IMMP2L: variants seen among roughly 807,000 people sequenced by gnomAD.
IMMP2L encodes mitochondrial inner membrane protease subunit 2.
Under a neutral mutation model 19.3 loss-of-function variants are expected in IMMP2L, and 18 were observed. That is an observed-to-expected ratio of 0.93 (90% CI 0.64 to 1.38). The LOEUF is 1.38. IMMP2L is among the 40% of genes most tolerant of loss of function. IMMP2L has a pLI of 0.00. For missense variants in IMMP2L, 233 were observed against 218.2 expected, an observed-to-expected ratio of 1.07 and a Z score of -0.43; for synonymous variants, 76 against 73.0, an observed-to-expected ratio of 1.04 and a Z score of -0.21.
At chr7:111,302,666 C>T (rs1274772126) in intron 3 of IMMP2L, among the ~76,000 whole-genome samples, 3 of 151,918 alleles carry the variant, frequency 2.0e-5, no homozygotes, top group Admixed American at 2.0e-4. Context: ...TTAGTCATCA[C>T]ACAAAAAAAG....
chr7:111,346,973 A>T (rs1161104983), intron 3 of IMMP2L, among the ~76,000 whole-genome samples: 2 of 152,114 alleles, frequency 1.3e-5, no homozygotes, highest in African/African-American at 2.4e-5. Flanking sequence ...AATAGATGGC[A>T]GAGGGTTTAA....
At chr7:110,979,148 C>A (rs1820993296) in intron 3 of IMMP2L, among the ~76,000 whole-genome samples, 2 of 152,050 alleles carry the variant, frequency 1.3e-5, no homozygotes. Context: ...TTACATATAA[C>A]TTTTCTGGAG....
In IMMP2L at chr7:111,371,467, T is replaced by TG. The variant is rs1319239746; in HGVS notation, c.239+115770dup. Among the ~76,000 whole-genome samples the TG allele has an allele frequency of 2.0e-5, 3 of 152,106 alleles. No homozygotes were observed. The East Asian group carries it at 5.8e-4, about 29-fold the overall frequency. Reference sequence around the variant, plus strand: ...TGTGCTTTTGACTGCCTTTGGATAATGGGGTCACAAGATTTTTAAAAAACA... The same window carrying TG: ...TGTGCTTTTGACTGCCTTTGGATAATGGGGGTCACAAGATTTTTAAAAAACA... On this transcript the variant is annotated intron_variant, in intron 3 of 5. Transcript: ENST00000405709.
chr7:111,379,705 C>T (rs1831016344), intron 3 of IMMP2L, among the ~76,000 whole-genome samples: 1 of 151,796 alleles, frequency 6.6e-6, no homozygotes, highest in Non-Finnish European at 1.5e-5. Flanking sequence ...TAAAATGCCA[C>T]ATATTATCAA....
chr7:111,035,516 A>G (rs1791250515), intron 3 of IMMP2L, among the ~76,000 whole-genome samples: 1 of 152,188 alleles, frequency 6.6e-6, no homozygotes, highest in South Asian at 2.1e-4. Context: ...ATATGTGATC[A>G]ACTACAAGTG....
In IMMP2L at chr7:111,393,795, C is replaced by T. The variant is rs977689768; in HGVS notation, c.239+93443G>A. On this transcript the variant is annotated intron_variant, in intron 3 of 5. Transcript: ENST00000405709. ...CCTATACTTACATTAAAAGCTACTC[C>T]TACTTGAAGATATGCAGACCCCTCC... Among the ~76,000 whole-genome samples the T allele has an allele frequency of 1.9e-4, 29 of 152,140 alleles. 1 individual carries two copies. The highest frequency in any genetic ancestry group is 1.8e-3 in the Admixed American group (27 of 15,266).
At chr7:111,463,156 T>C (rs1744172483) in intron 3 of IMMP2L, among the ~76,000 whole-genome samples, 1 of 152,002 alleles carries the variant, frequency 6.6e-6, no homozygotes, top group Non-Finnish European at 1.5e-5. Flanking sequence ...CTTCTGCCTA[T>C]ATCTCTTCAC....
chr7:111,303,276 A>G (rs1350288059), intron 3 of IMMP2L, among the ~76,000 whole-genome samples: 1 of 152,142 alleles, frequency 6.6e-6, no homozygotes, highest in Non-Finnish European at 1.5e-5. Flanking sequence ...TGTATCAACT[A>G]GTAAGTATTA....
At position 111,299,622 on chromosome 7, in the gene IMMP2L, C is replaced by T. The variant is rs192843193; in HGVS notation, c.239+187616G>A. ...CGTGATTATCTACTTAAAAAGGACA[C>T]AAAGTGGATCTTTTGAAAAATAAAA... On this transcript the variant is annotated intron_variant, in intron 3 of 5. Transcript: ENST00000405709. 3.6e-3 allele frequency among the ~76,000 whole-genome samples: 525 copies of T among 146,384 alleles called. 6 individuals carry two copies. The highest frequency in any genetic ancestry group is 0.013 in the African/African-American group (507 of 39,892).
intron 3 of IMMP2L, among the ~76,000 whole-genome samples, chr7:111,148,100 C>T (rs1440804494): frequency 6.6e-6 from 1 of 152,030 alleles, no homozygotes; most frequent in East Asian, 1.9e-4. Flanking sequence ...AAAATAGAAG[C>T]AGCCCAAGTT....
intron 4 of IMMP2L, among the ~76,000 whole-genome samples, chr7:110,903,614 C>T (rs569348870): frequency 5.2e-4 from 79 of 152,218 alleles, no homozygotes; most frequent in Non-Finnish European, 9.1e-4. Flanking sequence ...GAATAGTATT[C>T]CATTGTATGT....
intron 3 of IMMP2L, among the ~76,000 whole-genome samples, chr7:111,140,908 C>T (rs928632288): frequency 6.6e-6 from 1 of 152,090 alleles, no homozygotes; most frequent in East Asian, 1.9e-4. Flanking sequence ...GAGAGAGCTG[C>T]TGGAAATAGT....
chr7:111,008,973 T>G (rs1824613838), intron 3 of IMMP2L, among the ~76,000 whole-genome samples: 1 of 152,112 alleles, frequency 6.6e-6, no homozygotes, highest in South Asian at 2.1e-4. Context: ...AGACATCCCC[T>G]GACTAACTTA....
intron 3 of IMMP2L, among the ~76,000 whole-genome samples, chr7:111,438,434 C>T (rs1020247064): frequency 1.5e-4 from 22 of 151,428 alleles, no homozygotes; most frequent in Middle Eastern, 3.2e-3. Flanking sequence ...TTCAGGAGTC[C>T]CACACCCACT....
chr7:111,471,179 G>A (rs1841233150), intron 3 of IMMP2L, among the ~76,000 whole-genome samples: 1 of 152,032 alleles, frequency 6.6e-6, no homozygotes, highest in South Asian at 2.1e-4. Flanking sequence ...AGGAATTGAA[G>A]AGGACTCACA....
rs1219109921 is a variant in IMMP2L at position 111,539,631 on chromosome 7, G to GTTT, written c.-2-18185_-2-18183dup. On this transcript the variant is annotated intron_variant, in intron 1 of 5. Transcript: ENST00000405709. ...TCAGAGCCACTCTGCTTTTTATCTG[G>GTTT]TTTTTTTTTTTTCAATAATGGAATT... Among the ~76,000 whole-genome samples, 308 of 142,678 alleles carry GTTT rather than the reference G, an allele frequency of 2.2e-3. 3 individuals carry two copies. Among genetic ancestry groups the GTTT allele is most frequent in the African/African-American group, 7.4e-3 (291 of 39,268 alleles). 93.6% of individuals were successfully genotyped at this position (142,678 alleles called of 152,430 possible).
chr7:111,124,192 T>C lies in IMMP2L; in HGVS notation c.240-160627A>G, dbSNP rs772409163. ...GCCTAATACCCTGACAGACAAGTTCTATGTCCATTCTGAGGGAACACTAGA... is the reference window on the plus strand; with the variant it reads ...GCCTAATACCCTGACAGACAAGTTCCATGTCCATTCTGAGGGAACACTAGA... On this transcript the variant is annotated intron_variant, in intron 3 of 5. Coordinates refer to ENST00000405709, the MANE Select transcript of IMMP2L (RefSeq NM_032549.4). The C allele has an allele frequency of 6.2e-6, 10 of 1,613,998 alleles. No individual in the cohort carries two copies. Among genetic ancestry groups the C allele is most frequent in the Non-Finnish European group, 8.5e-6 (10 of 1,179,946 alleles).
At chr7:110,783,466 T>C (rs1265256604) in intron 5 of IMMP2L, among the ~76,000 whole-genome samples, 1 of 151,896 alleles carries the variant, frequency 6.6e-6, no homozygotes, top group Admixed American at 6.6e-5. Flanking sequence ...ATCATGTCAG[T>C]AAATGCCATT....
At chr7:111,373,876 A>T (rs945662403) in intron 3 of IMMP2L, among the ~76,000 whole-genome samples, 1 of 151,986 alleles carries the variant, frequency 6.6e-6, no homozygotes, top group Non-Finnish European at 1.5e-5. Flanking sequence ...AAGTTAAGGA[A>T]CTCATATTTG....
Sources: gnomAD v4.1 joint callset for allele counts (sites outside exome capture counted in the v4.1 genomes callset) on GRCh38, gnomAD v4.1.1 for gene constraint, MANE v1.5 for transcripts, NCBI Gene and HGNC (gene_info 2026-07-23, HGNC 2026-07-21) for gene names.